Variants in DLC1 observed in about 807,000 individuals in gnomAD.
DLC1 encodes DLC1 Rho GTPase activating protein.
In DLC1, 54 loss-of-function variants were observed where a neutral mutation model predicts 140.3. The observed-to-expected ratio is 0.38, with a 90% CI of 0.31 to 0.48. DLC1 has a LOEUF of 0.48. Among genes scored for constraint, DLC1 ranks in the 20% least tolerant of loss-of-function variants. The pLI is 0.96. For missense variants in DLC1, 2,536 were observed against 1,907.0 expected, an observed-to-expected ratio of 1.33 and a Z score of -6.14; for synonymous variants, 986 against 728.1, an observed-to-expected ratio of 1.35 and a Z score of -5.70.
chr8:13,214,574 T>G (rs78460207), intron 5 of DLC1: 1 of 647,504 alleles, frequency 1.5e-6, no homozygotes. Context: ...TTTTTTTTTT[T>G]GTGGCTGCCC....
chr8:13,537,984 G>C (rs1290730540), intron 1 of DLC1, among the ~76,000 whole-genome samples: 1 of 152,076 alleles, frequency 6.6e-6, no homozygotes, highest in East Asian at 1.9e-4. Flanking sequence ...AGGTTAATAC[G>C]TTCCACGCTT....
chr8:13,261,843 T>C (rs75597484), intron 5 of DLC1, among the ~76,000 whole-genome samples: 5,150 of 152,286 alleles, frequency 0.034, 148 homozygotes, highest in African/African-American at 0.075. Flanking sequence ...ATACTTAAAC[T>C]TTCAGGACAT....
chr8:13,586,592 C>T (rs931437535), intron 1 of DLC1, among the ~76,000 whole-genome samples: 2 of 47,100 alleles, frequency 4.2e-5, no homozygotes, highest in African/African-American at 1.2e-4. Context: ...TGCACATGCA[C>T]ACACACACAC....
intron 5 of DLC1, among the ~76,000 whole-genome samples, chr8:13,173,006 A>G (rs545564989): frequency 1.3e-5 from 2 of 152,330 alleles, no homozygotes; most frequent in South Asian, 4.1e-4. Flanking sequence ...ATGTGTAACG[A>G]TTATTGATAC....
chr8:13,543,852 C>A (rs957674615), intron 1 of DLC1, among the ~76,000 whole-genome samples: 5 of 151,712 alleles, frequency 3.3e-5, no homozygotes, highest in Non-Finnish European at 5.9e-5. Context: ...GAGGGGAGGG[C>A]GAGTGGGAAG....
chr8:13,581,905 C>G (rs1022857545), intron 1 of DLC1, among the ~76,000 whole-genome samples: 15 of 152,068 alleles, frequency 9.9e-5, no homozygotes, highest in Non-Finnish European at 1.5e-5. Context: ...GAAGTCCACG[C>G]ATCAAAGGCA....
intron 5 of DLC1, among the ~76,000 whole-genome samples, chr8:13,120,356 A>AAAAAAAAAAAAAAAATATATAT: frequency 4.9e-5 from 3 of 61,132 alleles, no homozygotes; most frequent in African/African-American, 1.2e-4. Context: ...AAAAAAAAAA[A>AAAAAAAAAAAAAAAATATATAT]ATATATATAT....
Position 13,314,447 on chromosome 8 carries a change from T to C in DLC1, c.1315-9145A>G, listed in dbSNP as rs571635819. ...TATCTAGCTAAGAAACAAAACAACA[T>C]ATATTGTCAATCTATTTGTTTTGTG... On this transcript the variant is annotated intron_variant, in intron 4 of 17. Transcript: ENST00000276297. Among the ~76,000 whole-genome samples the C allele has an allele frequency of 1.2e-4, 18 of 151,948 alleles. No individual in the cohort carries two copies. In the East Asian group the frequency reaches 3.3e-3, roughly 28 times the overall value.
At chr8:13,244,005 C>A (rs959860734) in intron 5 of DLC1, among the ~76,000 whole-genome samples, 1 of 152,196 alleles carries the variant, frequency 6.6e-6, no homozygotes, top group South Asian at 2.1e-4. Flanking sequence ...AAATTCCTCA[C>A]CTGGGGGAAC....
At chr8:13,175,085 C>T (rs1004696316) in intron 5 of DLC1, among the ~76,000 whole-genome samples, 8 of 152,130 alleles carry the variant, frequency 5.3e-5, no homozygotes, top group Non-Finnish European at 1.0e-4. Context: ...TACGGCTAGC[C>T]AGTTATCCCA....
intron 4 of DLC1, among the ~76,000 whole-genome samples, chr8:13,328,621 C>G (rs966068927): frequency 6.6e-6 from 1 of 152,072 alleles, no homozygotes; most frequent in Non-Finnish European, 1.5e-5. Flanking sequence ...GAGGTCTTGG[C>G]TGAAATATAA....
In DLC1 at chr8:13,389,133, G is replaced by A. The variant is rs138699956; in HGVS notation, c.1314+4420C>T. The stretch of plus-strand genomic sequence containing the variant: ...CTTCAGTTACTTATTTTACAAATAG[G>A]AAATTTTTCTTGTTTTCTGGGGCTT... On this transcript the variant is annotated intron_variant, in intron 4 of 17. Transcript: ENST00000276297. 7.9e-5 allele frequency among the ~76,000 whole-genome samples: 12 copies of A among 152,026 alleles called. No individual in the cohort carries two copies. In the East Asian group the frequency reaches 2.1e-3, roughly 27 times the overall value.
intron 4 of DLC1, among the ~76,000 whole-genome samples, chr8:13,327,402 T>C (rs1388322694): frequency 6.6e-6 from 1 of 152,150 alleles, no homozygotes; most frequent in African/African-American, 2.4e-5. Flanking sequence ...AATTACATTT[T>C]GCTAGTGTTT....
chr8:13,486,834 G>T (rs1800991739), intron 2 of DLC1, among the ~76,000 whole-genome samples: 1 of 152,154 alleles, frequency 6.6e-6, no homozygotes. Flanking sequence ...AAAATGCAAG[G>T]GATGTCCTTG....
chr8:13,595,892 C>T (rs575245811), intron 1 of DLC1, among the ~76,000 whole-genome samples: 9 of 151,996 alleles, frequency 5.9e-5, no homozygotes, highest in East Asian at 1.9e-4. Context: ...GATAATTGCA[C>T]GTTACCACAT....
chr8:13,390,278 C>G (rs1262579683), intron 4 of DLC1, among the ~76,000 whole-genome samples: 1 of 152,106 alleles, frequency 6.6e-6, no homozygotes, highest in African/African-American at 2.4e-5. Flanking sequence ...TCATGCATGC[C>G]CCTGCAAAGG....
At position 13,297,287 on chromosome 8, in the gene DLC1, A is replaced by AAAAAAAAAAACAAAACAAAACAAAAC. The variant is rs1160453360; in HGVS notation, c.1348+7981_1348+7982insGTTTTGTTTTGTTTTGTTTTTTTTTT. ...AAGCAGAGGCCTTCATACATTAAAA[A>AAAAAAAAAAACAAAACAAAACAAAAC]AAAAAAAAACTGAAGCAAGTATTTA... On this transcript the variant is annotated intron_variant, in intron 5 of 17. Transcript: ENST00000276297. Among the ~76,000 whole-genome samples the AAAAAAAAAAACAAAACAAAACAAAAC allele has an allele frequency of 5.0e-5, 7 of 139,822 alleles. 1 individual carries two copies. Among genetic ancestry groups the AAAAAAAAAAACAAAACAAAACAAAAC allele is most frequent in the African/African-American group, 1.9e-4 (7 of 36,900 alleles). The allele number at this position is 139,822 out of a possible 152,430, so 91.7% of individuals were successfully genotyped here. A position where few individuals can be genotyped will look rare whatever the true frequency, so the allele number is the denominator to read the frequency against.
intron 4 of DLC1, among the ~76,000 whole-genome samples, chr8:13,348,024 G>A (rs1379159815): frequency 6.6e-6 from 1 of 152,126 alleles, no homozygotes; most frequent in Non-Finnish European, 1.5e-5. Flanking sequence ...GGGAGACATA[G>A]CTTGCAGTCA....
At chr8:13,534,685 C>T (rs1803210979) in intron 1 of DLC1, among the ~76,000 whole-genome samples, 1 of 152,314 alleles carries the variant, frequency 6.6e-6, no homozygotes, top group African/African-American at 2.4e-5. Context: ...GTTTGCCTGT[C>T]ATTCGCGTGG....
Sources: allele counts gnomAD v4.1 joint callset (sites outside exome capture counted in the v4.1 genomes callset), GRCh38; gene constraint gnomAD v4.1.1; transcripts MANE v1.5; gene names NCBI Gene and HGNC (gene_info 2026-07-23, HGNC 2026-07-21).